Variants in PRDM12 observed in about 807,000 individuals in gnomAD.
PRDM12 encodes the protein PR domain zinc finger protein 12.
In PRDM12, 17 loss-of-function variants were observed where a neutral mutation model predicts 29.6. That is an observed-to-expected ratio of 0.57 (90% confidence interval 0.39 to 0.86). The LOEUF (loss-of-function observed/expected upper bound fraction) is 0.86, where lower values mean the gene tolerates loss of function less well. Ranked by LOEUF, PRDM12 falls within the 40% of genes least tolerant of loss-of-function variation. The pLI, the probability that PRDM12 is intolerant of heterozygous loss-of-function variation, is 0.00. For synonymous variants in PRDM12, 231 were observed against 225.8 expected (o/e 1.02, Z -0.21); for missense variants, 422 against 510.8 (o/e 0.83, Z 1.68).
At chr9:130,680,659 A>ATATATTTTTTTTT in intron 4 of PRDM12, among the ~76,000 whole-genome samples, 6 of 72,170 alleles carry the variant, frequency 8.3e-5, no homozygotes, top group African/African-American at 4.7e-4. Context: ...ATATATATAT[A>ATATATTTTTTTTT]TTTTTTTTTT....
intron 3 of PRDM12, 24 bp from the exon 4 acceptor site, chr9:130,678,505 C>G (rs375606547): frequency 1.3e-6 from 2 of 1,571,004 alleles, no homozygotes; most frequent in Non-Finnish European, 1.7e-6. Context: ...CCTCCCTGAC[C>G]TCCTCTTGCC....
chr9:130,668,843 G>C lies in PRDM12; in HGVS notation c.570+530G>C, dbSNP rs1014083277. Among the ~76,000 whole-genome samples the C allele has an allele frequency of 5.3e-5, 8 of 152,124 alleles. No individual in the cohort carries two copies. Among genetic ancestry groups the C allele is most frequent in the Admixed American group, 5.2e-4 (8 of 15,270 alleles). Reference sequence around the variant, plus strand: ...TCCCAGATGCTGGATATGCAGTATGGTATTTAATCCCCACGGGGCCCCAGG... The same window carrying C: ...TCCCAGATGCTGGATATGCAGTATGCTATTTAATCCCCACGGGGCCCCAGG... On this transcript the variant is annotated intron_variant, in intron 3 of 4. Coordinates refer to ENST00000253008, the MANE Select transcript of PRDM12 (RefSeq NM_021619.3). This position sits in a 1 kb window ranked among gnomAD's most constrained non-coding sequence, Gnocchi z 4.0.
rs1050351416 is a variant in PRDM12 at position 130,668,534 on chromosome 9, C to G, written c.570+221C>G. On this transcript the variant is annotated intron_variant, in intron 3 of 4. Transcript: ENST00000253008. This position sits in a 1 kb window ranked among gnomAD's most constrained non-coding sequence, Gnocchi z 4.0. ...CCATGGGAAGCTTTCTGCTGCAGAT[C>G]AGAAATGATGGAGCTCTCAACTTGA... Among the ~76,000 whole-genome samples, 1 of 152,176 alleles carries G rather than the reference C, an allele frequency of 6.6e-6. No homozygotes were observed. Among genetic ancestry groups the G allele is most frequent in the Admixed American group, 6.5e-5 (1 of 15,282 alleles).
chr9:130,669,102 C>T (rs1374667723), intron 3 of PRDM12, among the ~76,000 whole-genome samples: 1 of 151,922 alleles, frequency 6.6e-6, no homozygotes, highest in Non-Finnish European at 1.5e-5. Flanking sequence ...CCGAGGCGGG[C>T]AGATCACAAG....
At position 130,664,747 on chromosome 9, in the gene PRDM12, A is replaced by G. The variant is rs566345307; in HGVS notation, c.94A>G (p.Ile32Val). 6.2e-7 allele frequency: 1 copy of G among 1,610,944 alleles called. No individual in the cohort carries two copies. The highest frequency in any genetic ancestry group is 1.7e-5 in the Admixed American group (1 of 59,994). ...GCTGGCCGAGGTTATCACCTCCGAC[A>G]TCCTGCACAGCTTCCTGTACGGCCG... ...LALAEVITSD[I>V]LHSFLYGRWR... Residue 32 changes from isoleucine to valine, a missense_variant, in exon 1 of 5, where the codon ATC (isoleucine) becomes GTC (valine). Ile to Val is a conservative substitution (Grantham distance 29). Transcript: ENST00000253008. This position sits in a 1 kb window ranked among gnomAD's most constrained non-coding sequence, Gnocchi z 6.4.
In PRDM12 at chr9:130,681,253, T is replaced by G; in HGVS notation, c.688T>G (p.Phe230Val). 1 of 1,471,120 alleles carries G rather than the reference T, an allele frequency of 6.8e-7. No individual in the cohort carries two copies. The highest frequency in any genetic ancestry group is 9.0e-7 in the Non-Finnish European group (1 of 1,105,782). The allele number at this position is 1,471,120 out of a possible 1,614,324, so 91.1% of individuals were successfully genotyped here. A position where few individuals can be genotyped will look rare whatever the true frequency, so the allele number is the denominator to read the frequency against. The change falls in exon 5 of 5, where the codon TTC (phenylalanine) becomes GTC (valine). Residue 230 changes from phenylalanine (F) to valine (V), a missense_variant. Physicochemically the swap from Phe to Val is conservative, Grantham distance 50. This residue lies in a region of PRDM12 where 300 missense variants were observed against 350.0 expected (regional missense o/e 0.86). Coordinates refer to ENST00000253008, the MANE Select transcript of PRDM12 (RefSeq NM_021619.3). This position sits in a 1 kb window ranked among gnomAD's most constrained non-coding sequence, Gnocchi z 8.1. Reference sequence around the variant, plus strand: ...CCGCCCCGCCCCGCGGCCAGAGGACTTCCACCCGGCGGACTCGGCGGCTGG... The same window carrying G: ...CCGCCCCGCCCCGCGGCCAGAGGACGTCCACCCGGCGGACTCGGCGGCTGG... ...EDQKKNKHED[F>V]HPADSAAGPA...
chr9:130,676,997 G>C (rs1347538323), intron 3 of PRDM12, among the ~76,000 whole-genome samples: 1 of 152,110 alleles, frequency 6.6e-6, no homozygotes, highest in African/African-American at 2.4e-5. Flanking sequence ...TGCAATCTCG[G>C]CTTACTGCAA....
In PRDM12 at chr9:130,668,561, G is replaced by A. The variant is rs918732087; in HGVS notation, c.570+248G>A. On this transcript the variant is annotated intron_variant, in intron 3 of 4. Coordinates refer to ENST00000253008, the MANE Select transcript of PRDM12 (RefSeq NM_021619.3). The surrounding 1 kb of genome is among the most constrained non-coding windows in gnomAD (Gnocchi z 4.0). The stretch of plus-strand genomic sequence containing the variant: ...GAAATGATGGAGCTCTCAACTTGAC[G>A]GCATTGGGAATGTCACGAGCATCTC... Among the ~76,000 whole-genome samples, 2 of 152,194 alleles carry A rather than the reference G, an allele frequency of 1.3e-5. No homozygotes were observed. The highest frequency in any genetic ancestry group is 2.4e-5 in the African/African-American group (1 of 41,452).
intron 3 of PRDM12, among the ~76,000 whole-genome samples, chr9:130,674,010 C>CTTTTTTTTTTTTTTTT (rs35863613): frequency 1.4e-5 from 1 of 71,846 alleles, no homozygotes; most frequent in Non-Finnish European, 2.4e-5. Flanking sequence ...TTCTTTCTTT[C>CTTTTTTTTTTTTTTTT]TTTTTTTTTT....
intron 3 of PRDM12, among the ~76,000 whole-genome samples, chr9:130,669,815 CAAAAAAAAAAAA>C (rs55753417): frequency 2.3e-5 from 1 of 44,058 alleles, no homozygotes; most frequent in Non-Finnish European, 5.0e-5. Flanking sequence ...GACTCCATCT[CAAAAAAAAAAAA>C]AAAAAAAAAA....
At chr9:130,669,893 A>G (rs2132593692) in intron 3 of PRDM12, among the ~76,000 whole-genome samples, 1 of 146,836 alleles carries the variant, frequency 6.8e-6, no homozygotes, top group East Asian at 2.2e-4. Flanking sequence ...TGAGCCAGGA[A>G]GGTTCAGAGG....
rs1350405661 is a variant in PRDM12 at position 130,666,615 on chromosome 9, G to A, written c.231G>A (p.Gln77=). ...VLAQSFSGEV[Q]KLSSLVLPAE... is the part of the protein sequence containing the mutation. ...CTGGCCCCGCCGCCGCAGAAGTGCA[G>A]AAGCTGTCCAGCCTGGTGCTGCCTG... The change falls in exon 2 of 5, where the codon CAG becomes CAA. Residue 77 remains glutamine, a synonymous_variant. Transcript: ENST00000253008. 6 of 1,607,872 alleles carry A rather than the reference G, an allele frequency of 3.7e-6. No homozygotes were observed. The highest frequency in any genetic ancestry group is 5.1e-6 in the Non-Finnish European group (6 of 1,177,746).
rs771268035 is a variant in PRDM12 at position 130,666,817 on chromosome 9, AGAGGGGCGCAAGGGCCGGC to A, written c.414+29_414+47del. On this transcript the variant is annotated intron_variant, in intron 2 of 4. Transcript: ENST00000253008. ...GTGGGAGGTACGCGCGGGCTGGGGC[AGAGGGGCGCAAGGGCCGGC>A]GAGGGGCGCTGGTCGCGGGTAGGAC... 1.6e-5 allele frequency: 25 copies of A among 1,574,216 alleles called. No homozygotes were observed. In the East Asian group the frequency reaches 4.0e-4, roughly 25 times the overall value.
chr9:130,679,971 T>C (rs754441434), intron 4 of PRDM12, among the ~76,000 whole-genome samples: 5 of 152,088 alleles, frequency 3.3e-5, no homozygotes, highest in Non-Finnish European at 7.4e-5. Context: ...GTCCTTATTT[T>C]TGGAGGATGA....
At chr9:130,671,641 G>A (rs1164572112) in intron 3 of PRDM12, among the ~76,000 whole-genome samples, 2 of 152,196 alleles carry the variant, frequency 1.3e-5, no homozygotes, top group Non-Finnish European at 2.9e-5. Flanking sequence ...GTGTCTGGGT[G>A]TATGTGGCCA....
At chr9:130,667,878 C>A (rs1462250475) in intron 2 of PRDM12, among the ~76,000 whole-genome samples, 4 of 152,186 alleles carry the variant, frequency 2.6e-5, no homozygotes, top group Non-Finnish European at 4.4e-5. Flanking sequence ...CCCTTGGAGA[C>A]CCTCTTCTTC....
chr9:130,665,093 C>G (rs1011689688), intron 1 of PRDM12, among the ~76,000 whole-genome samples: 1 of 152,162 alleles, frequency 6.6e-6, no homozygotes, highest in Non-Finnish European at 1.5e-5. Flanking sequence ...AAGGACCGAC[C>G]CCGGCGACCC....
intron 3 of PRDM12, among the ~76,000 whole-genome samples, chr9:130,677,464 TA>T (rs908211905): frequency 3.3e-5 from 5 of 152,150 alleles, no homozygotes; most frequent in African/African-American, 1.2e-4. Flanking sequence ...GTGCTTCAAC[TA>T]AAAAAGGACC....
At chr9:130,670,064 T>C (rs959103577) in intron 3 of PRDM12, among the ~76,000 whole-genome samples, 37 of 152,092 alleles carry the variant, frequency 2.4e-4, no homozygotes, top group African/African-American at 8.2e-4. Context: ...GACAGTGTCC[T>C]TTGGCGGGAA....
Sources: allele counts gnomAD v4.1 joint callset (sites outside exome capture counted in the v4.1 genomes callset), GRCh38; gene constraint gnomAD v4.1.1; regional missense constraint gnomAD v4.1.1; non-coding constraint Gnocchi (gnomAD v3.1); transcripts MANE v1.5; gene names NCBI Gene and HGNC (gene_info 2026-07-23, HGNC 2026-07-21).